The following INSC variants were observed in gnomAD, a reference collection of about 807,000 sequenced individuals.
INSC encodes the protein protein inscuteable homolog.
A neutral mutation model predicts 58.6 loss-of-function variants in INSC; 67 were observed. The observed-to-expected ratio is 1.14, with a 90% CI of 0.94 to 1.40. The LOEUF (loss-of-function observed/expected upper bound fraction) is 1.40, where lower values mean the gene tolerates loss of function less well. Among genes scored for constraint, INSC ranks in the 40% most tolerant of loss-of-function variants. INSC has a pLI of 0.00. For missense variants in INSC, 714 were observed against 692.0 expected (o/e 1.03, Z -0.36); for synonymous variants, 262 against 276.1 (o/e 0.95, Z 0.51).
intron 7 of INSC, among the ~76,000 whole-genome samples, chr11:15,218,817 A>T (rs893771840): frequency 6.6e-6 from 1 of 152,176 alleles, no homozygotes; most frequent in Non-Finnish European, 1.5e-5. Flanking sequence ...CTCCAATGCT[A>T]TCTTTTCCTA....
intron 9 of INSC, among the ~76,000 whole-genome samples, chr11:15,232,804 A>G (rs1299157925): frequency 2.0e-5 from 3 of 152,190 alleles, no homozygotes; most frequent in Admixed American, 6.5e-5. Flanking sequence ...CAAAGGTCAG[A>G]AGGATATACT....
intron 7 of INSC, among the ~76,000 whole-genome samples, chr11:15,203,654 C>G (rs1323147384): frequency 6.6e-6 from 1 of 152,156 alleles, no homozygotes; most frequent in Non-Finnish European, 1.5e-5. Context: ...TTACTATCTG[C>G]TATTTGCTAG....
At chr11:15,230,962 C>T (rs537328660) in intron 9 of INSC, among the ~76,000 whole-genome samples, 1 of 152,252 alleles carries the variant, frequency 6.6e-6, no homozygotes, top group East Asian at 1.9e-4. Context: ...GAGAAGAAGC[C>T]ATCTGCTTGT....
chr11:15,179,965 G>A (rs1849704061), intron 5 of INSC, among the ~76,000 whole-genome samples: 1 of 152,136 alleles, frequency 6.6e-6, no homozygotes, highest in Admixed American at 6.5e-5. Flanking sequence ...CAATTAAAAG[G>A]GCTGAAAATG....
At chr11:15,143,159 C>A (rs1848413266) in intron 1 of INSC, among the ~76,000 whole-genome samples, 1 of 152,120 alleles carries the variant, frequency 6.6e-6, no homozygotes, top group Admixed American at 6.5e-5. Flanking sequence ...CTGCTCCCCA[C>A]CTTCGGGGGA....
intron 6 of INSC, among the ~76,000 whole-genome samples, chr11:15,191,307 C>T (rs1342846552): frequency 2.0e-5 from 3 of 152,152 alleles, no homozygotes; most frequent in Non-Finnish European, 4.4e-5. Flanking sequence ...AGGTGGCTAG[C>T]CCCTCTGATT....
At chr11:15,190,925 C>A in intron 6 of INSC, 111 bp downstream of exon 6, 2 of 700,382 alleles carry the variant, frequency 2.9e-6, no homozygotes, top group South Asian at 1.6e-5. Flanking sequence ...CCTGCATTAG[C>A]TGCTGAGTCT....
At chr11:15,150,104 G>A (rs887945042) in intron 2 of INSC, among the ~76,000 whole-genome samples, 23 of 152,110 alleles carry the variant, frequency 1.5e-4, no homozygotes, top group African/African-American at 5.6e-4. Context: ...ACAGAGAGAG[G>A]GTGGTATTTC....
intron 1 of INSC, among the ~76,000 whole-genome samples, chr11:15,146,681 C>T (rs1022338850): frequency 6.6e-6 from 1 of 152,202 alleles, no homozygotes; most frequent in Non-Finnish European, 1.5e-5. Flanking sequence ...CTTGTTCCTG[C>T]TGTGTTCTAG....
rs144550721 is a variant in INSC at position 15,231,020 on chromosome 11, G to A, written c.1171-4582G>A. 2.5e-3 allele frequency among the ~76,000 whole-genome samples: 378 copies of A among 152,284 alleles called. 1 individual carries two copies. Among genetic ancestry groups the A allele is most frequent in the African/African-American group, 8.4e-3 (349 of 41,566 alleles). ...TTCTCCTAGTCTGCACACCTGTCCA[G>A]CCCTCTCAGGTCCTGCGCCCTGGGC... On this transcript the variant is annotated intron_variant, in intron 9 of 12. Transcript: ENST00000379556.
chr11:15,158,673 C>T (rs1312626263), intron 2 of INSC, among the ~76,000 whole-genome samples: 1 of 149,896 alleles, frequency 6.7e-6, no homozygotes, highest in Non-Finnish European at 1.5e-5. Context: ...TATTTACTCA[C>T]CATGTGACCT....
intron 7 of INSC, among the ~76,000 whole-genome samples, chr11:15,205,899 C>T (rs745383447): frequency 2.2e-4 from 34 of 152,054 alleles, no homozygotes; most frequent in Non-Finnish European, 4.4e-4. Context: ...GGGCAAGGGA[C>T]GGACACAGAC....
intron 7 of INSC, 105 bp downstream of exon 7, chr11:15,201,054 G>C: frequency 7.3e-7 from 1 of 1,372,566 alleles, no homozygotes; most frequent in East Asian, 2.5e-5. Flanking sequence ...CAAGTGCCTC[G>C]AGTAGTCCTT....
At chr11:15,222,547 T>A (rs1851484377) in intron 8 of INSC, among the ~76,000 whole-genome samples, 1 of 152,120 alleles carries the variant, frequency 6.6e-6, no homozygotes, top group Non-Finnish European at 1.5e-5. Flanking sequence ...ATTCAAGTGG[T>A]TATGTGCAGC....
intron 9 of INSC, among the ~76,000 whole-genome samples, chr11:15,227,926 T>C (rs1180796564): frequency 6.6e-6 from 1 of 152,230 alleles, no homozygotes; most frequent in East Asian, 1.9e-4. Flanking sequence ...ACAAGGAATT[T>C]TGGATTCAGA....
intron 6 of INSC, among the ~76,000 whole-genome samples, chr11:15,192,584 G>C (rs1392030710): frequency 6.6e-6 from 1 of 152,174 alleles, no homozygotes; most frequent in Non-Finnish European, 1.5e-5. Context: ...GGTACTCAAA[G>C]AGTTTGTTGA....
chr11:15,212,410 G>A (rs1454619139), intron 7 of INSC, among the ~76,000 whole-genome samples: 1 of 152,206 alleles, frequency 6.6e-6, no homozygotes, highest in East Asian at 1.9e-4. Flanking sequence ...TGGAATTACA[G>A]GCGTGAGCCA....
chr11:15,116,383 C>G (rs1847694256), intron 1 of INSC, among the ~76,000 whole-genome samples: 1 of 152,204 alleles, frequency 6.6e-6, no homozygotes, highest in East Asian at 1.9e-4. Context: ...TTTCGTTCAA[C>G]CCTACTTTGA....
intron 5 of INSC, among the ~76,000 whole-genome samples, chr11:15,186,161 G>A (rs1849958490): frequency 6.6e-6 from 1 of 152,098 alleles, no homozygotes; most frequent in Non-Finnish European, 1.5e-5. Context: ...GTCCACGAGG[G>A]TCAGTACCTC....
Sources: allele counts gnomAD v4.1 joint callset (sites outside exome capture counted in the v4.1 genomes callset), GRCh38; gene constraint gnomAD v4.1.1; transcripts MANE v1.5; gene names NCBI Gene and HGNC (gene_info 2026-07-23, HGNC 2026-07-21).